TP53BP1: variants seen among roughly 807,000 people sequenced by gnomAD.
The protein encoded by TP53BP1 is TP53-binding protein 1.
In TP53BP1, 61 loss-of-function variants were observed where a neutral mutation model predicts 200.8. The ratio of observed to expected loss-of-function variants is 0.30; its 90% confidence interval spans 0.25 to 0.38. The LOEUF (loss-of-function observed/expected upper bound fraction) is 0.38. Among genes scored for constraint, TP53BP1 ranks in the 10% least tolerant of loss-of-function variants. The probability of loss-of-function intolerance (pLI) is 1.00; values close to 1 mark genes in which losing one functional copy is unlikely to be tolerated. For missense variants in TP53BP1, 2,144 were observed against 2,371.9 expected (o/e 0.90, Z 2.00); for synonymous variants, 822 against 844.3 (o/e 0.97, Z 0.46).
At chr15:43,408,323 A>C in intron 26 of TP53BP1, 1 of 418,134 alleles carries the variant, frequency 2.4e-6, no homozygotes, top group Non-Finnish European at 4.3e-6. Context: ...ACAAAAGACA[A>C]CAAAAAAATT....
intron 8 of TP53BP1, 88 bp from the exon 9 acceptor site, chr15:43,475,782 T>C (rs2078872390): frequency 6.9e-7 from 1 of 1,448,010 alleles, no homozygotes; most frequent in South Asian, 1.3e-5. Flanking sequence ...GTAATATCCA[T>C]ATTTCCAACA....
rs2142913690 is a variant in TP53BP1, at chr15:43,406,094, A to C, written c.*1289T>G. The C allele has an allele frequency of 6.6e-6, 1 of 152,220 alleles. No homozygotes were observed. Among genetic ancestry groups the C allele is most frequent in the South Asian group, 2.1e-4 (1 of 4,820 alleles). 9.4% of individuals were successfully genotyped at this position (152,220 alleles called of 1,614,324 possible). ...TTATTCTCCAAGAAAAAGGTCCTTA[A>C]GAAAAAATTGAGATCAAGTTGTTAG... is the stretch of plus-strand genomic sequence containing the variant. On this transcript the variant is annotated 3_prime_UTR_variant, in exon 28 of 28. Coordinates refer to ENST00000382044, the MANE Select transcript of TP53BP1 (RefSeq NM_001141980.3).
intron 10 of TP53BP1, among the ~76,000 whole-genome samples, chr15:43,472,699 G>A (rs1265293113): frequency 6.6e-6 from 1 of 152,138 alleles, no homozygotes; most frequent in Admixed American, 6.5e-5. Context: ...AAACAAGTAG[G>A]CCATTATTAA....
At chr15:43,500,865 A>G (rs2079206032) in intron 1 of TP53BP1, among the ~76,000 whole-genome samples, 1 of 151,114 alleles carries the variant, frequency 6.6e-6, no homozygotes, top group African/African-American at 2.4e-5. Context: ...ACATAAGAAC[A>G]CCGTCAACAC....
In TP53BP1 at chr15:43,483,525, T is replaced by C. The variant is rs554318320; in HGVS notation, c.372-2503A>G. On this transcript the variant is annotated intron_variant, in intron 4 of 27. Transcript: ENST00000382044. Reference sequence around the variant, plus strand: ...GCAGGATTACAGATGACATCTTTGCTTCCTTGCAACTTTCTACACAACTAA... The same window carrying C: ...GCAGGATTACAGATGACATCTTTGCCTCCTTGCAACTTTCTACACAACTAA... Among the ~76,000 whole-genome samples the C allele has an allele frequency of 3.9e-5, 6 of 152,298 alleles. No homozygotes were observed. The East Asian group carries it at 7.7e-4, about 20-fold the overall frequency.
intron 4 of TP53BP1, among the ~76,000 whole-genome samples, 193 bp from the exon 5 acceptor site, chr15:43,481,215 G>C (rs1292137725): frequency 6.6e-6 from 1 of 152,042 alleles, no homozygotes; most frequent in East Asian, 1.9e-4. Flanking sequence ...ACAGAATTAA[G>C]TAAAGAAAAA....
intron 1 of TP53BP1, among the ~76,000 whole-genome samples, chr15:43,506,556 T>C (rs1454135981): frequency 2.6e-5 from 4 of 152,236 alleles, no homozygotes; most frequent in Admixed American, 2.6e-4. Context: ...CTTAGACACC[T>C]TCGACAATTC....
intron 11 of TP53BP1, among the ~76,000 whole-genome samples, chr15:43,461,046 A>T (rs1017991944): frequency 1.3e-5 from 2 of 152,046 alleles, no homozygotes; most frequent in African/African-American, 4.8e-5. Flanking sequence ...CTAAATGGCA[A>T]TTTAGCAAAA....
chr15:43,427,039 AAATAG>A (rs1474532816), intron 18 of TP53BP1, among the ~76,000 whole-genome samples: 1 of 151,838 alleles, frequency 6.6e-6, no homozygotes, highest in Non-Finnish European at 1.5e-5. Flanking sequence ...AAAAAAAAGA[AAATAG>A]CTGTGCCTCT....
rs1488657128 is a variant in TP53BP1 at position 43,420,708 on chromosome 15, G to A, written c.4278C>T (p.Gly1426=). 7 of 1,613,920 alleles carry A rather than the reference G, an allele frequency of 4.3e-6. No homozygotes were observed. ...TRETAVPGPL[G]IEDISPNLSP... ...ACAAGTTAGGTGAAATGTCCTCTAT[G>A]CCCAAGGGGCCAGGCACAGCTGTTT... is the stretch of plus-strand genomic sequence containing the variant. The change falls in exon 21 of 28, where the codon GGC becomes GGT. Residue 1426 remains glycine, a synonymous_variant. Transcript: ENST00000382044.
intron 12 of TP53BP1, among the ~76,000 whole-genome samples, chr15:43,448,658 G>A (rs947073190): frequency 2.0e-5 from 3 of 151,720 alleles, no homozygotes; most frequent in Non-Finnish European, 4.4e-5. Context: ...TCCTGCCTCA[G>A]CCTCCCAAGT....
chr15:43,466,905 A>T (rs1158937012), intron 11 of TP53BP1, among the ~76,000 whole-genome samples: 1 of 152,160 alleles, frequency 6.6e-6, no homozygotes, highest in African/African-American at 2.4e-5. Flanking sequence ...GGAGGTAAAT[A>T]CCAAAAGAAA....
At chr15:43,475,493 G>C (rs1039828479) in intron 9 of TP53BP1, 72 bp downstream of exon 9, 2 of 1,547,866 alleles carry the variant, frequency 1.3e-6, no homozygotes, top group African/African-American at 1.4e-5. Context: ...GATAAGTTTA[G>C]CCTCTTTCAG....
At position 43,420,347 on chromosome 15, in the gene TP53BP1, T is replaced by C. The variant is rs1265315962; in HGVS notation, c.4639A>G (p.Thr1547Ala). ...TCCTCCGAGAGGGCCGTCACTTCAG[T>C]GTCCAGCGGGATGGGGTCACATAAC... ...ILLCDPIPLD[T>A]EVTALSEDEY... is the part of the protein sequence containing the mutation. Residue 1547 changes from threonine to alanine, a missense_variant, in exon 21 of 28, where the codon ACT becomes GCT. This residue lies in a region of TP53BP1 where 61 missense variants were observed against 147.5 expected (regional missense o/e 0.41). Coordinates refer to ENST00000382044, the MANE Select transcript of TP53BP1 (RefSeq NM_001141980.3). The C allele has an allele frequency of 6.2e-7, 1 of 1,614,164 alleles. No homozygotes were observed. Among genetic ancestry groups the C allele is most frequent in the Non-Finnish European group, 8.5e-7 (1 of 1,180,012 alleles).
intron 12 of TP53BP1, among the ~76,000 whole-genome samples, chr15:43,448,694 C>T (rs1415197333): frequency 1.3e-5 from 2 of 152,000 alleles, no homozygotes; most frequent in African/African-American, 4.8e-5. Flanking sequence ...CGCCCTCCAT[C>T]ACGCCCAGCT....
intron 27 of TP53BP1, 119 bp from the exon 28 acceptor site, chr15:43,407,689 T>TCAAA: frequency 1.0e-6 from 1 of 966,296 alleles, no homozygotes; most frequent in Non-Finnish European, 1.5e-6. Flanking sequence ...CCCTATTATG[T>TCAAA]CAAACACACT....
chr15:43,419,625 C>T (rs538821879), intron 21 of TP53BP1, among the ~76,000 whole-genome samples: 1 of 147,166 alleles, frequency 6.8e-6, no homozygotes, highest in South Asian at 2.1e-4. Context: ...AAGTGATCCC[C>T]CTGCTTTGGC....
At chr15:43,444,350 T>C (rs1027819530) in intron 14 of TP53BP1, among the ~76,000 whole-genome samples, 1 of 152,144 alleles carries the variant, frequency 6.6e-6, no homozygotes, top group African/African-American at 2.4e-5. Flanking sequence ...TAAGCACACC[T>C]CCCACCTCAG....
intron 1 of TP53BP1, among the ~76,000 whole-genome samples, chr15:43,509,779 A>T (rs1290783733): frequency 6.6e-6 from 1 of 152,120 alleles, no homozygotes; most frequent in Non-Finnish European, 1.5e-5. Context: ...GCTGAATCTG[A>T]TACTGTGTTC....
Sources: gnomAD v4.1 joint callset for allele counts (sites outside exome capture counted in the v4.1 genomes callset) on GRCh38, gnomAD v4.1.1 for gene constraint, gnomAD v4.1.1 regional missense constraint, MANE v1.5 for transcripts, NCBI Gene and HGNC (gene_info 2026-07-23, HGNC 2026-07-21) for gene names.